The following ST8SIA2 variants were observed in gnomAD, a reference collection of about 807,000 sequenced individuals.
ST8SIA2 encodes ST8 alpha-N-acetyl-neuraminide alpha-2,8-sialyltransferase 2, also known as alpha-2,8-sialyltransferase 8B.
In ST8SIA2, 22 loss-of-function variants were observed where a neutral mutation model predicts 37.6. The observed-to-expected ratio is 0.58, with a 90% CI of 0.42 to 0.83. The LOEUF is 0.83. Ranked by LOEUF, ST8SIA2 falls within the 40% of genes least tolerant of loss-of-function variation. ST8SIA2 has a pLI of 0.00. For synonymous variants in ST8SIA2, 205 were observed against 201.2 expected (o/e 1.02, Z -0.16); for missense variants, 382 against 484.7 (o/e 0.79, Z 1.99).
chr15:92,434,835 G>A (rs913043753), intron 3 of ST8SIA2, among the ~76,000 whole-genome samples: 25 of 152,196 alleles, frequency 1.6e-4, no homozygotes, highest in African/African-American at 5.1e-4. Context: ...CCCTAACAAC[G>A]TGAAAATGAA....
intron 2 of ST8SIA2, among the ~76,000 whole-genome samples, chr15:92,433,633 C>T (rs1411052435): frequency 6.6e-6 from 1 of 152,162 alleles, no homozygotes; most frequent in Non-Finnish European, 1.5e-5. Flanking sequence ...ATTGAGCACC[C>T]GCTATGTTAG....
rs529247086 is a variant in ST8SIA2 at position 92,430,951 on chromosome 15, CT to C, written c.161+841del. On this transcript the variant is annotated intron_variant, in intron 2 of 5. Coordinates refer to ENST00000268164, the MANE Select transcript of ST8SIA2 (RefSeq NM_006011.4). ...TTTGCCCTTCCATATTTTTTTAGATCTCTTTTCTGTATGAGACCTGTGAAGT... is the reference window on the plus strand; with the variant it reads ...TTTGCCCTTCCATATTTTTTTAGATCCTTTTCTGTATGAGACCTGTGAAGT... Among the ~76,000 whole-genome samples, 540 of 152,198 alleles carry C rather than the reference CT, an allele frequency of 3.5e-3. 3 individuals carry two copies. Among genetic ancestry groups the C allele is most frequent in the Non-Finnish European group, 6.4e-3 (436 of 68,000 alleles).
In ST8SIA2 at chr15:92,441,643, C is replaced by G. The variant is rs150901796; in HGVS notation, c.549-2993C>G. Among the ~76,000 whole-genome samples, 907 of 152,038 alleles carry G rather than the reference C, an allele frequency of 6.0e-3. 12 individuals carry two copies. The highest frequency in any genetic ancestry group is 0.021 in the African/African-American group (876 of 41,432). On this transcript the variant is annotated intron_variant, in intron 4 of 5. Transcript: ENST00000268164. Reference sequence around the variant, plus strand: ...CACGCACTTCTTCCATAGGGAGAATCTGATGAACAAATGCCCTTCCATGGA... The same window carrying G: ...CACGCACTTCTTCCATAGGGAGAATGTGATGAACAAATGCCCTTCCATGGA...
chr15:92,429,159 T>A (rs539537554), intron 1 of ST8SIA2, among the ~76,000 whole-genome samples: 19 of 152,306 alleles, frequency 1.2e-4, no homozygotes, highest in Admixed American at 9.8e-4. Context: ...AATGGAACTT[T>A]AAAAACTGAG....
At chr15:92,417,056 A>G (rs2141817065) in intron 1 of ST8SIA2, among the ~76,000 whole-genome samples, 1 of 152,382 alleles carries the variant, frequency 6.6e-6, no homozygotes, top group South Asian at 2.1e-4. Flanking sequence ...GGCAGTAGCC[A>G]TCACCTTCAA....
At chr15:92,433,107 G>T (rs1348147595) in intron 2 of ST8SIA2, among the ~76,000 whole-genome samples, 2 of 151,536 alleles carry the variant, frequency 1.3e-5, no homozygotes, top group Non-Finnish European at 2.9e-5. Context: ...CCCAGCCTGG[G>T]TGACAGAGCC....
At chr15:92,415,800 T>G (rs773336100) in intron 1 of ST8SIA2, among the ~76,000 whole-genome samples, 16 of 152,110 alleles carry the variant, frequency 1.1e-4, no homozygotes, top group Non-Finnish European at 2.4e-4. Context: ...GTATAAACTC[T>G]GAAGTCAGCA....
intron 1 of ST8SIA2, among the ~76,000 whole-genome samples, chr15:92,416,231 G>C (rs1178295649): frequency 6.6e-6 from 1 of 151,404 alleles, no homozygotes; most frequent in Non-Finnish European, 1.5e-5. Context: ...CACTTGAAGG[G>C]GGGGTGGGGG....
At chr15:92,424,316 T>C (rs2049658537) in intron 1 of ST8SIA2, among the ~76,000 whole-genome samples, 1 of 152,204 alleles carries the variant, frequency 6.6e-6, no homozygotes, top group Non-Finnish European at 1.5e-5. Context: ...ATAACTGGGC[T>C]TGGTGTATAT....
rs1157396925 is a variant in ST8SIA2, at chr15:92,468,654, A to G, written c.*4269A>G. 1 of 152,692 alleles carries G rather than the reference A, an allele frequency of 6.5e-6. No homozygotes were observed. Among genetic ancestry groups the G allele is most frequent in the East Asian group, 1.9e-4 (1 of 5,198 alleles). 9.5% of individuals were successfully genotyped at this position (152,692 alleles called of 1,614,324 possible). A position where few individuals can be genotyped will look rare whatever the true frequency, so the allele number is the denominator to read the frequency against. ...CAGGGACTGTGTTTTATTCATCTGTATCCATCACAGCACTAGGCGTGGTGC... is the reference window on the plus strand; with the variant it reads ...CAGGGACTGTGTTTTATTCATCTGTGTCCATCACAGCACTAGGCGTGGTGC... On this transcript the variant is annotated 3_prime_UTR_variant, in exon 6 of 6. Coordinates refer to ENST00000268164, the MANE Select transcript of ST8SIA2 (RefSeq NM_006011.4).
intron 1 of ST8SIA2, among the ~76,000 whole-genome samples, chr15:92,412,916 C>G (rs2049560099): frequency 6.6e-6 from 1 of 152,186 alleles, no homozygotes; most frequent in South Asian, 2.1e-4. Flanking sequence ...CCTCGGCCTC[C>G]CAAAGTGCTG....
intron 1 of ST8SIA2, among the ~76,000 whole-genome samples, chr15:92,407,082 G>C (rs1472793895): frequency 6.6e-6 from 1 of 151,014 alleles, no homozygotes; most frequent in Non-Finnish European, 1.5e-5. Context: ...GGATTCCTGA[G>C]TGTATGCCAG....
chr15:92,426,883 G>T (rs974588701), intron 1 of ST8SIA2, among the ~76,000 whole-genome samples: 2 of 152,142 alleles, frequency 1.3e-5, no homozygotes, highest in African/African-American at 4.8e-5. Context: ...GAGGTCAGGG[G>T]GTCAGGAGTT....
intron 1 of ST8SIA2, among the ~76,000 whole-genome samples, chr15:92,427,258 G>T: frequency 1.1e-5 from 1 of 94,666 alleles, no homozygotes; most frequent in Non-Finnish European, 1.9e-5. Flanking sequence ...TTGGGCACTT[G>T]GCAAAAAAAA....
chr15:92,406,390 A>T (rs2049508136), intron 1 of ST8SIA2, among the ~76,000 whole-genome samples: 1 of 152,228 alleles, frequency 6.6e-6, no homozygotes, highest in Admixed American at 6.5e-5. Flanking sequence ...CCAGTGAGCT[A>T]GAGCCTTGTC....
rs189896568 is a variant in ST8SIA2 at position 92,424,405 on chromosome 15, A to G, written c.99-5644A>G. 9.0e-3 allele frequency among the ~76,000 whole-genome samples: 1,367 copies of G among 152,004 alleles called. 15 individuals carry two copies. The highest frequency in any genetic ancestry group is 0.03 in the African/African-American group (1,248 of 41,262). On this transcript the variant is annotated intron_variant, in intron 1 of 5. Transcript: ENST00000268164. ...AAAAAATTATTAAAAATGAAATAAA[A>G]TAAACAATTGGGCTTGGATGAAGAG...
intron 1 of ST8SIA2, among the ~76,000 whole-genome samples, chr15:92,407,322 A>G (rs1474146218): frequency 6.6e-6 from 1 of 152,234 alleles, no homozygotes; most frequent in Admixed American, 6.5e-5. Context: ...GCATAAGATG[A>G]GGAGAGCAGA....
chr15:92,408,269 G>A (rs77386572), intron 1 of ST8SIA2, among the ~76,000 whole-genome samples: 7,728 of 151,178 alleles, frequency 0.051, 501 homozygotes, highest in East Asian at 0.3. Flanking sequence ...TTTCACCCCT[G>A]CAACACCACT....
At chr15:92,438,289 G>C in intron 3 of ST8SIA2, 64 bp from the exon 4 acceptor site, 1 of 1,613,774 alleles carries the variant, frequency 6.2e-7, no homozygotes, top group Non-Finnish European at 8.5e-7. Flanking sequence ...GATAGGAAAA[G>C]CTGGGCTGGC....
Sources: gnomAD v4.1 joint callset for allele counts (sites outside exome capture counted in the v4.1 genomes callset) on GRCh38, gnomAD v4.1.1 for gene constraint, MANE v1.5 for transcripts, NCBI Gene and HGNC (gene_info 2026-07-23, HGNC 2026-07-21) for gene names.